The following TOX variants were observed in gnomAD, a reference collection of about 807,000 sequenced individuals.
The protein encoded by TOX is thymocyte selection-associated high mobility group box protein TOX.
A neutral mutation model predicts 53.7 loss-of-function variants in TOX; 11 were observed. That is an observed-to-expected ratio of 0.20 (90% confidence interval 0.13 to 0.34). The LOEUF is 0.34. Ranked by LOEUF, TOX falls within the 10% of genes least tolerant of loss-of-function variation. TOX has a pLI of 1.00. For synonymous variants in TOX, 225 were observed against 245.3 expected (o/e 0.92, Z 0.77); for missense variants, 570 against 664.6 (o/e 0.86, Z 1.56).
intron 3 of TOX, among the ~76,000 whole-genome samples, chr8:58,855,845 CGT>C (rs371718033): frequency 9.2e-5 from 14 of 152,314 alleles, no homozygotes; most frequent in East Asian, 7.7e-4. Flanking sequence ...CTTAATCATG[CGT>C]CTTTGTTTAC....
At chr8:59,073,096 C>T (rs777829096) in intron 1 of TOX, among the ~76,000 whole-genome samples, 2 of 152,094 alleles carry the variant, frequency 1.3e-5, no homozygotes, top group African/African-American at 2.4e-5. Context: ...AATCTCCACC[C>T]CCAACACAGG....
intron 1 of TOX, among the ~76,000 whole-genome samples, chr8:59,095,020 A>C (rs1804690897): frequency 6.6e-6 from 1 of 152,218 alleles, no homozygotes; most frequent in Non-Finnish European, 1.5e-5. Context: ...GTTCACTGTC[A>C]TTTGCATTTC....
intron 3 of TOX, among the ~76,000 whole-genome samples, chr8:58,934,695 G>A (rs886478049): frequency 3.3e-5 from 5 of 152,182 alleles, no homozygotes; most frequent in Non-Finnish European, 7.3e-5. Context: ...GAAGATTCAG[G>A]ATGAAAGTAT....
intron 3 of TOX, among the ~76,000 whole-genome samples, chr8:58,912,929 G>A (rs1202571831): frequency 6.6e-6 from 1 of 152,172 alleles, no homozygotes; most frequent in African/African-American, 2.4e-5. Context: ...GGAGAGAAAT[G>A]ACAAGTTGTA....
intron 3 of TOX, among the ~76,000 whole-genome samples, chr8:58,926,589 A>G (rs1430852193): frequency 6.6e-6 from 1 of 152,226 alleles, no homozygotes; most frequent in Non-Finnish European, 1.5e-5. Flanking sequence ...AGAGGTAAAC[A>G]TTTCTAGCTA....
chr8:58,892,306 A>AAGAG (rs901154509), intron 3 of TOX, among the ~76,000 whole-genome samples: 4 of 151,248 alleles, frequency 2.6e-5, no homozygotes, highest in Admixed American at 2.0e-4. Context: ...GAGAGAAAGA[A>AAGAG]AGAGAGAGAG....
At chr8:58,866,454 T>C (rs752112021) in intron 3 of TOX, among the ~76,000 whole-genome samples, 84 of 152,346 alleles carry the variant, frequency 5.5e-4, no homozygotes, top group Middle Eastern at 3.4e-3. Context: ...AAAACCTTAA[T>C]TGCAACAAAG....
At chr8:59,107,374 T>A (rs1039729780) in intron 1 of TOX, among the ~76,000 whole-genome samples, 1 of 152,186 alleles carries the variant, frequency 6.6e-6, no homozygotes, top group East Asian at 1.9e-4. Flanking sequence ...AGCATATTAG[T>A]GTGCTTTAAA....
At chr8:58,905,961 A>T (rs965731021) in intron 3 of TOX, among the ~76,000 whole-genome samples, 2 of 152,156 alleles carry the variant, frequency 1.3e-5, no homozygotes, top group East Asian at 3.8e-4. Flanking sequence ...TTTCCTTTTA[A>T]TTACTGTCAA....
chr8:58,863,365 C>T (rs1811042209), intron 3 of TOX, among the ~76,000 whole-genome samples: 2 of 152,118 alleles, frequency 1.3e-5, no homozygotes, highest in South Asian at 4.1e-4. Flanking sequence ...ACTGACAGGT[C>T]CCACCTAATA....
chr8:59,111,652 T>C (rs1432172222), intron 1 of TOX, among the ~76,000 whole-genome samples: 1 of 152,100 alleles, frequency 6.6e-6, no homozygotes, highest in Non-Finnish European at 1.5e-5. Flanking sequence ...AACCCCAAAG[T>C]GGCATCAAAG....
intron 1 of TOX, among the ~76,000 whole-genome samples, chr8:58,991,009 G>A (rs1813434481): frequency 6.6e-6 from 1 of 152,184 alleles, no homozygotes; most frequent in South Asian, 2.1e-4. Context: ...CTTTGCCTAT[G>A]TTAATTAATC....
intron 1 of TOX, among the ~76,000 whole-genome samples, chr8:59,061,937 T>A (rs1168179092): frequency 6.6e-6 from 1 of 152,190 alleles, no homozygotes; most frequent in African/African-American, 2.4e-5. Flanking sequence ...TCAGATTTTA[T>A]CTTTTTATGT....
chr8:58,933,015 T>G (rs1364748855), intron 3 of TOX, among the ~76,000 whole-genome samples: 1 of 152,224 alleles, frequency 6.6e-6, no homozygotes, highest in East Asian at 1.9e-4. Flanking sequence ...ACTGGAAATT[T>G]GACACATTCA....
intron 5 of TOX, among the ~76,000 whole-genome samples, chr8:58,837,354 C>G (rs187999215): frequency 6.6e-6 from 1 of 152,240 alleles, no homozygotes; most frequent in East Asian, 1.9e-4. Context: ...CATCTAGTTC[C>G]TGGTTTAGAA....
intron 1 of TOX, among the ~76,000 whole-genome samples, chr8:58,980,359 C>T (rs572516148): frequency 1.2e-4 from 19 of 152,262 alleles, no homozygotes; most frequent in Middle Eastern, 6.8e-3. Flanking sequence ...GTTCTCTCAT[C>T]GCCCTGTGGT....
intron 1 of TOX, among the ~76,000 whole-genome samples, chr8:59,031,773 C>G (rs1814361385): frequency 6.6e-6 from 1 of 152,104 alleles, no homozygotes. Context: ...GGCTGTGACC[C>G]TGAGGTGGGA....
chr8:58,921,593 T>G (rs1812077438), intron 3 of TOX, among the ~76,000 whole-genome samples: 1 of 152,190 alleles, frequency 6.6e-6, no homozygotes, highest in Admixed American at 6.5e-5. Flanking sequence ...CAATAAGCAT[T>G]CTTTCCCTAA....
chr8:58,878,571 C>T (rs1336894693), intron 3 of TOX, among the ~76,000 whole-genome samples: 2 of 152,148 alleles, frequency 1.3e-5, no homozygotes, highest in African/African-American at 2.4e-5. Flanking sequence ...AACACTTGAG[C>T]AACGTATTGT....
Sources: gnomAD v4.1 joint callset for allele counts (sites outside exome capture counted in the v4.1 genomes callset) on GRCh38, gnomAD v4.1.1 for gene constraint, MANE v1.5 for transcripts, NCBI Gene and HGNC (gene_info 2026-07-23, HGNC 2026-07-21) for gene names.